Variants in NAP1L1 observed in about 807,000 individuals in gnomAD.
NAP1L1 encodes nucleosome assembly protein 1 like 1.
In NAP1L1, 9 loss-of-function variants were observed where a neutral mutation model predicts 58.9. The observed-to-expected ratio is 0.15, with a 90% CI of 0.09 to 0.27. The LOEUF is 0.27. Ranked by LOEUF, NAP1L1 falls within the 10% of genes least tolerant of loss-of-function variation. NAP1L1 has a pLI of 1.00. For missense variants in NAP1L1, 302 were observed against 458.8 expected, an observed-to-expected ratio of 0.66 and a Z score of 3.12; for synonymous variants, 130 against 138.3, an observed-to-expected ratio of 0.94 and a Z score of 0.42.
At chr12:76,072,646 G>C (rs1950009203) in intron 2 of NAP1L1, among the ~76,000 whole-genome samples, 1 of 152,196 alleles carries the variant, frequency 6.6e-6, no homozygotes, top group Non-Finnish European at 1.5e-5. Flanking sequence ...TCTGAAGCCA[G>C]AGTAGCTTCC....
rs554141942 is a variant in NAP1L1, at chr12:76,037,016, C to G, written c.*11413G>C. On this transcript the variant is annotated 3_prime_UTR_variant, in exon 15 of 15. Coordinates refer to ENST00000618691, the MANE Select transcript of NAP1L1 (RefSeq NM_004537.7). ...CAGGGAGGTGAAGGTTACAGTGAGC[C>G]AAGATCACGCCACTGCACTCCAGCC... 1.8e-4 allele frequency: 28 copies of G among 152,214 alleles called. 1 individual carries two copies. Among genetic ancestry groups the G allele is most frequent in the Admixed American group, 1.4e-3 (22 of 15,296 alleles). 9.4% of individuals were successfully genotyped at this position (152,214 alleles called of 1,614,324 possible). A position where few individuals can be genotyped will look rare whatever the true frequency, so the allele number is the denominator to read the frequency against.
rs1035570305 is a variant in NAP1L1 at position 76,045,798 on chromosome 12, CAT to C, written c.*2629_*2630del. On this transcript the variant is annotated 3_prime_UTR_variant, in exon 15 of 15. Transcript: ENST00000618691. ...AAAGCAAACAACTCTAAAATTTTTT[CAT>C]ATCAGTTTTCTTTATAAGTGATTAT... 1 of 151,976 alleles carries C rather than the reference CAT, an allele frequency of 6.6e-6. No homozygotes were observed. Among genetic ancestry groups the C allele is most frequent in the Non-Finnish European group, 1.5e-5 (1 of 67,884 alleles). 9.4% of individuals were successfully genotyped at this position (151,976 alleles called of 1,614,324 possible).
chr12:76,049,840 T>G, intron 12 of NAP1L1, 55 bp from the exon 13 acceptor site: 1 of 1,580,880 alleles, frequency 6.3e-7, no homozygotes, highest in Non-Finnish European at 8.7e-7. Context: ...CATTTCAGAG[T>G]AGCATCAGTA....
At chr12:76,052,778 G>T (rs1948903205) in intron 11 of NAP1L1, among the ~76,000 whole-genome samples, 1 of 152,152 alleles carries the variant, frequency 6.6e-6, no homozygotes, top group African/African-American at 2.4e-5. Flanking sequence ...AGTTAGGAAT[G>T]TAACAGTATA....
In NAP1L1 at chr12:76,060,241, T is replaced by C. The variant is rs1329988229; in HGVS notation, c.245A>G (p.Lys82Arg). The C allele has an allele frequency of 1.9e-6, 3 of 1,613,972 alleles. No individual in the cohort carries two copies. The highest frequency in any genetic ancestry group is 1.7e-6 in the Non-Finnish European group (2 of 1,179,914). Residue 82 changes from lysine (K) to arginine (R), a missense_variant, in exon 5 of 15, where the codon AAA (lysine) becomes AGA (arginine). Lys to Arg is a conservative substitution (Grantham distance 26). Coordinates refer to ENST00000618691, the MANE Select transcript of NAP1L1 (RefSeq NM_004537.7). ...RVVKRRVNAL[K>R]NLQVKCAQIE... Reference sequence around the variant, plus strand: ...CTGTGCACATTTAACTTGCAGGTTTTTGAGAGCATTCACTCGTCTTTTAAC... The same window carrying C: ...CTGTGCACATTTAACTTGCAGGTTTCTGAGAGCATTCACTCGTCTTTTAAC...
At chr12:76,077,836 T>C (rs1348691941) in intron 1 of NAP1L1, among the ~76,000 whole-genome samples, 1 of 151,564 alleles carries the variant, frequency 6.6e-6, no homozygotes, top group Non-Finnish European at 1.5e-5. Flanking sequence ...TACAAAAAAT[T>C]AGCCGGGCGT....
chr12:76,082,715 CT>C (rs1950456301), intron 1 of NAP1L1, among the ~76,000 whole-genome samples: 1 of 152,158 alleles, frequency 6.6e-6, no homozygotes, highest in South Asian at 2.1e-4. Flanking sequence ...ACAAGAGTGC[CT>C]TGAAAATAAC....
intron 8 of NAP1L1, among the ~76,000 whole-genome samples, chr12:76,054,665 G>A (rs1009611669): frequency 1.4e-4 from 22 of 152,192 alleles, no homozygotes; most frequent in Non-Finnish European, 4.4e-5. Context: ...CTGGTGGTTT[G>A]GTGGACAGCT....
intron 2 of NAP1L1, among the ~76,000 whole-genome samples, chr12:76,073,263 C>A (rs1035324838): frequency 6.6e-6 from 1 of 151,942 alleles, no homozygotes; most frequent in African/African-American, 2.4e-5. Flanking sequence ...CACTATCATT[C>A]GCTGATGCCT....
At chr12:76,051,002 G>GAAAAA (rs57970257) in intron 11 of NAP1L1, among the ~76,000 whole-genome samples, 4 of 83,732 alleles carry the variant, frequency 4.8e-5, no homozygotes, top group African/African-American at 8.1e-5. Context: ...CTGGGCAACC[G>GAAAAA]AAAAAAAAAA....
rs1182356222 is a variant in NAP1L1, at chr12:76,047,410, CTT to C, written c.*1017_*1018del. ...TTTTAAAAGAAAACAGCATCAATCA[CTT>C]AAGATTTTCTTCCTCTTTTTTTTTT... is the stretch of plus-strand genomic sequence containing the variant. On this transcript the variant is annotated 3_prime_UTR_variant, in exon 15 of 15. Transcript: ENST00000618691. 2 of 147,626 alleles carry C rather than the reference CTT, an allele frequency of 1.4e-5. No homozygotes were observed. Among genetic ancestry groups the C allele is most frequent in the African/African-American group, 5.0e-5 (2 of 40,080 alleles). The allele number at this position is 147,626 out of a possible 1,614,324, so 9.1% of individuals were successfully genotyped here.
intron 2 of NAP1L1, among the ~76,000 whole-genome samples, chr12:76,069,402 T>G (rs1020240345): frequency 2.6e-5 from 4 of 152,222 alleles, no homozygotes. Flanking sequence ...CTACACTATT[T>G]TGACAGCAAG....
intron 6 of NAP1L1, chr12:76,056,397 G>GT (rs1485600739): frequency 7.3e-6 from 3 of 410,746 alleles, no homozygotes; most frequent in Non-Finnish European, 4.4e-6. Context: ...AACCATTTTA[G>GT]TAAAAAAAAA....
At chr12:76,072,530 CAA>C (rs1397404688) in intron 2 of NAP1L1, among the ~76,000 whole-genome samples, 1 of 152,070 alleles carries the variant, frequency 6.6e-6, no homozygotes, top group Non-Finnish European at 1.5e-5. Flanking sequence ...AAAGTTCAAT[CAA>C]GAATATCCCT....
chr12:76,054,106 T>A (rs1948964552), intron 8 of NAP1L1, among the ~76,000 whole-genome samples, 197 bp from the exon 9 acceptor site: 1 of 152,254 alleles, frequency 6.6e-6, no homozygotes, highest in African/African-American at 2.4e-5. Context: ...TTCAGCTCAC[T>A]GCAACCTTTG....
chr12:76,040,334 C>CT lies in NAP1L1; in HGVS notation c.*8094dup, dbSNP rs1286753572. ...GCCTTCCCTTGACTTTAAAAAACAA[C>CT]TAAGTTGACTCTTGAATATCAAATT... is the stretch of plus-strand genomic sequence containing the variant. On this transcript the variant is annotated 3_prime_UTR_variant, in exon 15 of 15. Coordinates refer to ENST00000618691, the MANE Select transcript of NAP1L1 (RefSeq NM_004537.7). The CT allele has an allele frequency of 6.6e-6, 1 of 152,088 alleles. No individual in the cohort carries two copies. Among genetic ancestry groups the CT allele is most frequent in the East Asian group, 1.9e-4 (1 of 5,196 alleles). 9.4% of individuals were successfully genotyped at this position (152,088 alleles called of 1,614,324 possible).
At position 76,049,120 on chromosome 12, in the gene NAP1L1, G is replaced by C. The variant is rs958991069; in HGVS notation, c.1140+80C>G. The C allele has an allele frequency of 9.3e-6, 13 of 1,391,818 alleles. No homozygotes were observed. The African/African-American group carries it at 1.9e-4, about 20-fold the overall frequency. 86.2% of individuals were successfully genotyped at this position (1,391,818 alleles called of 1,614,324 possible). ...TTTATTTATTAAAGACTTTAACGGA[G>C]AGAAACTTGATATTCAAAAACACCA... On this transcript the variant is annotated intron_variant, in intron 14 of 14. Transcript: ENST00000618691.
In NAP1L1 at chr12:76,056,814, C is replaced by G. The variant is rs1949120856; in HGVS notation, c.430-653G>C. 2 of 322,184 alleles carry G rather than the reference C, an allele frequency of 6.2e-6. 1 individual carries two copies. Among genetic ancestry groups the G allele is most frequent in the South Asian group, 4.9e-5 (2 of 40,930 alleles). The allele number at this position is 322,184 out of a possible 1,614,324, so 20.0% of individuals were successfully genotyped here. On this transcript the variant is annotated intron_variant, in intron 6 of 14. Transcript: ENST00000618691. Reference sequence around the variant, plus strand: ...ATCATTTAAGGTCAGGAGTTGGAGACCAGCCTGGCCAACATGGCGAAACCC... The same window carrying G: ...ATCATTTAAGGTCAGGAGTTGGAGAGCAGCCTGGCCAACATGGCGAAACCC...
Position 76,053,750 on chromosome 12 carries a change from G to T in NAP1L1, c.770+20C>A. On this transcript the variant is annotated intron_variant, in intron 9 of 14. Coordinates refer to ENST00000618691, the MANE Select transcript of NAP1L1 (RefSeq NM_004537.7). ...AAAAACAGAAAAAACATTTTGTTAA[G>T]GTAGTAAAATTAAACTCACCCTGTA... The T allele has an allele frequency of 6.3e-7, 1 of 1,596,220 alleles. No individual in the cohort carries two copies. The highest frequency in any genetic ancestry group is 1.1e-5 in the South Asian group (1 of 87,384).
Sources: allele counts gnomAD v4.1 joint callset (sites outside exome capture counted in the v4.1 genomes callset), GRCh38; gene constraint gnomAD v4.1.1; transcripts MANE v1.5; gene names NCBI Gene and HGNC (gene_info 2026-07-23, HGNC 2026-07-21).